Variants in ZNF654 observed in about 807,000 individuals in gnomAD.
ZNF654 encodes zinc finger protein 654.
ZNF654 carries 19 observed loss-of-function variants against 95.3 expected under a neutral mutation model. The ratio of observed to expected loss-of-function variants is 0.20; its 90% confidence interval spans 0.14 to 0.29. The LOEUF is 0.29. Among genes scored for constraint, ZNF654 ranks in the 10% least tolerant of loss-of-function variants. The pLI is 1.00. For missense variants in ZNF654, 1,046 were observed against 1,341.0 expected (o/e 0.78, Z 3.44); for synonymous variants, 413 against 457.9 (o/e 0.90, Z 1.25).
At position 88,128,904 on chromosome 3, in the gene ZNF654, A is replaced by G; in HGVS notation, c.646A>G (p.Ile216Val). Residue 216 changes from isoleucine to valine, a missense_variant, in exon 5 of 9, where the codon ATT becomes GTT. Physicochemically the swap from Ile to Val is conservative, Grantham distance 29 (BLOSUM62 3). Coordinates refer to ENST00000636215, the MANE Select transcript of ZNF654 (RefSeq NM_001350134.2). ...ACGCATACCCGAAGCAATGGCTCTT[A>G]TTAAATCTTGTATAAATCACCCAGA... ...CERIPEAMAL[I>V]KSCINHPEIS... is the part of the protein sequence containing the mutation. 6.5e-7 allele frequency: 1 copy of G among 1,535,648 alleles called. No individual in the cohort carries two copies. Among genetic ancestry groups the G allele is most frequent in the Non-Finnish European group, 8.7e-7 (1 of 1,146,560 alleles).
At chr3:88,074,093 T>A (rs538620254) in intron 1 of ZNF654, among the ~76,000 whole-genome samples, 25 of 152,178 alleles carry the variant, frequency 1.6e-4, no homozygotes, top group Non-Finnish European at 2.4e-4. Flanking sequence ...CCAGATTTGA[T>A]CATTTGTCTC....
At position 88,139,908 on chromosome 3, in the gene ZNF654, A is replaced by T; in HGVS notation, c.2239A>T (p.Lys747Ter). The change falls in exon 8 of 9, where the codon AAG (lysine) becomes TAG (stop). Residue 747 changes from lysine to a stop codon, truncating the protein, a stop_gained. Coordinates refer to ENST00000636215, the MANE Select transcript of ZNF654 (RefSeq NM_001350134.2). LOFTEE classifies it high-confidence loss of function. ...IYATDQEGNF[K>*]CPALGCVRIF... The stretch of plus-strand genomic sequence containing the variant: ...TGCCACAGATCAAGAAGGAAACTTT[A>T]AGTGTCCTGCTCTTGGTTGTGTCCG... 6.2e-7 allele frequency: 1 copy of T among 1,613,454 alleles called. No homozygotes were observed. The highest frequency in any genetic ancestry group is 8.5e-7 in the Non-Finnish European group (1 of 1,179,684).
At chr3:88,070,087 G>A (rs1477561532) in intron 1 of ZNF654, among the ~76,000 whole-genome samples, 1 of 152,082 alleles carries the variant, frequency 6.6e-6, no homozygotes, top group African/African-American at 2.4e-5. Flanking sequence ...CTCTTTTTCA[G>A]CTGATGGGAG....
chr3:88,127,870 A>G (rs961020363), intron 4 of ZNF654, among the ~76,000 whole-genome samples: 9 of 152,198 alleles, frequency 5.9e-5, no homozygotes, highest in African/African-American at 2.2e-4. Flanking sequence ...GAAAGACCAG[A>G]GTGAAGTTAT....
Position 88,138,966 on chromosome 3 carries a change from G to A in ZNF654, c.1297G>A (p.Val433Ile), listed in dbSNP as rs1259071243. The A allele has an allele frequency of 2.0e-5, 25 of 1,246,136 alleles. No homozygotes were observed. The highest frequency in any genetic ancestry group is 2.4e-5 in the Non-Finnish European group (24 of 997,538). 77.2% of individuals were successfully genotyped at this position (1,246,136 alleles called of 1,614,324 possible). ...AGGCACAAGTAGTGTTCAAAATCGT[G>A]TTCGTTTTGAATTGCTTCCAATTTT... ...NEGTSSVQNRVRFELLPILKK... is the reference protein window; with the variant it reads ...NEGTSSVQNRIRFELLPILKK... Residue 433 changes from valine (V) to isoleucine (I), a missense_variant, in exon 8 of 9, where the codon GTT (valine) becomes ATT (isoleucine). This residue lies in a region of ZNF654 where 78 missense variants were observed against 154.2 expected (regional missense o/e 0.51). Coordinates refer to ENST00000636215, the MANE Select transcript of ZNF654 (RefSeq NM_001350134.2).
At chr3:88,060,859 A>T (rs1169218107) in intron 1 of ZNF654, among the ~76,000 whole-genome samples, 19 of 152,038 alleles carry the variant, frequency 1.2e-4, no homozygotes, top group Non-Finnish European at 2.5e-4. Flanking sequence ...AAGAAAAAGG[A>T]TGGAGTTGAC....
At chr3:88,063,289 TG>T in intron 1 of ZNF654, among the ~76,000 whole-genome samples, 1 of 152,282 alleles carries the variant, frequency 6.6e-6, no homozygotes. Flanking sequence ...GGACTCTTAG[TG>T]GGTACCTTTT....
rs1180662371 is a variant in ZNF654, at chr3:88,113,115, G to C, written c.333G>C (p.Val111=). The change falls in exon 3 of 9, where the codon GTG becomes GTC. Residue 111 remains valine, a splice_region_variant and synonymous_variant. Transcript: ENST00000636215. ...HVQYVLSSLA[V]SFFELLLFFG... ...AAAGTTATTCACTTATTCTTTCTAG[G>C]AGTTTCTTTGAGTTGCTGCTGTTCT... is the stretch of plus-strand genomic sequence containing the variant. 6.5e-7 allele frequency: 1 copy of C among 1,527,732 alleles called. No homozygotes were observed. The highest frequency in any genetic ancestry group is 8.8e-7 in the Non-Finnish European group (1 of 1,141,216). The allele number at this position is 1,527,732 out of a possible 1,614,324, so 94.6% of individuals were successfully genotyped here. A position where few individuals can be genotyped will look rare whatever the true frequency, so the allele number is the denominator to read the frequency against.
At chr3:88,091,056 C>T (rs1423842781) in intron 2 of ZNF654, among the ~76,000 whole-genome samples, 1 of 152,154 alleles carries the variant, frequency 6.6e-6, no homozygotes, top group East Asian at 1.9e-4. Flanking sequence ...GTATTCAGTA[C>T]AGTAGCATGC....
At chr3:88,109,803 T>C (rs1704980347) in intron 2 of ZNF654, among the ~76,000 whole-genome samples, 2 of 152,108 alleles carry the variant, frequency 1.3e-5, no homozygotes, top group Non-Finnish European at 2.9e-5. Context: ...ATATTAAACA[T>C]GGTAAAAAAT....
intron 1 of ZNF654, among the ~76,000 whole-genome samples, chr3:88,060,471 C>G (rs972973118): frequency 2.0e-5 from 3 of 152,132 alleles, no homozygotes; most frequent in Non-Finnish European, 4.4e-5. Context: ...TTTTTGCAAG[C>G]TATTTTGGGG....
In ZNF654 at chr3:88,140,511, G is replaced by C. The variant is rs1360843277; in HGVS notation, c.2842G>C (p.Asp948His). Residue 948 changes from aspartate (D) to histidine (H), a missense_variant, in exon 8 of 9, where the codon GAC becomes CAC. By Grantham distance (81) the Asp-to-His change is moderately conservative. This residue lies in a region of ZNF654 where 495 missense variants were observed against 537.0 expected (regional missense o/e 0.92). Transcript: ENST00000636215. ...TCAGAATGGAAACGAACGTTCTGAT[G>C]ACACTGTTTCAAATATAAGCTTGAT... ...LVQNGNERSD[D>H]TVSNISLIDQ... 3 of 1,613,744 alleles carry C rather than the reference G, an allele frequency of 1.9e-6. No individual in the cohort carries two copies. The highest frequency in any genetic ancestry group is 2.5e-6 in the Non-Finnish European group (3 of 1,179,744).
chr3:88,100,274 T>G (rs1405692151), intron 2 of ZNF654, among the ~76,000 whole-genome samples: 1 of 152,154 alleles, frequency 6.6e-6, no homozygotes, highest in Non-Finnish European at 1.5e-5. Flanking sequence ...CACAATGAGA[T>G]ACCATCTCAC....
chr3:88,130,616 A>C (rs896480811), intron 6 of ZNF654, among the ~76,000 whole-genome samples: 1 of 28,130 alleles, frequency 3.6e-5, no homozygotes, highest in African/African-American at 7.6e-5. Context: ...ATGCCCAGCT[A>C]ATTTTTTTTT....
intron 2 of ZNF654, among the ~76,000 whole-genome samples, chr3:88,086,905 C>T (rs1445201601): frequency 3.3e-5 from 5 of 152,250 alleles, no homozygotes; most frequent in East Asian, 1.9e-4. Context: ...GCCTCAGCCT[C>T]CCAAGTAGCT....
At chr3:88,117,968 C>T (rs919861128) in intron 3 of ZNF654, among the ~76,000 whole-genome samples, 24 of 150,378 alleles carry the variant, frequency 1.6e-4, no homozygotes, top group African/African-American at 5.4e-4. Flanking sequence ...CAACCAAGAA[C>T]ATTTACTACT....
Position 88,140,430 on chromosome 3 carries a change from T to A in ZNF654, c.2761T>A (p.Ser921Thr), listed in dbSNP as rs61730544. ...PVSTSKSRKESTEPKTCIESM... is the reference protein window; with the variant it reads ...PVSTSKSRKETTEPKTCIESM... ...TTCTACTAGCAAATCAAGGAAAGAG[T>A]CTACAGAACCAAAGACATGTATAGA... Residue 921 changes from serine (S) to threonine (T), a missense_variant, in exon 8 of 9, where the codon TCT becomes ACT. This residue lies in a region of ZNF654 where 495 missense variants were observed against 537.0 expected (regional missense o/e 0.92). Transcript: ENST00000636215. 4 of 1,612,844 alleles carry A rather than the reference T, an allele frequency of 2.5e-6. No individual in the cohort carries two copies. Among genetic ancestry groups the A allele is most frequent in the Non-Finnish European group, 2.5e-6 (3 of 1,179,590 alleles).
rs1703995674 is a variant in ZNF654, at chr3:88,095,358, G to A, written c.332+8956G>A. On this transcript the variant is annotated intron_variant, in intron 2 of 8. Transcript: ENST00000636215. The stretch of plus-strand genomic sequence containing the variant: ...AGGGGTGGGGAGAAAGGAAGAGACA[G>A]GAATGTGAATGTATTATGTACTAAG... 5.0e-5 allele frequency: 14 copies of A among 278,732 alleles called. 1 individual carries two copies. Among genetic ancestry groups the A allele is most frequent in the South Asian group, 4.9e-4 (14 of 28,468 alleles). 17.3% of individuals were successfully genotyped at this position (278,732 alleles called of 1,614,324 possible).
chr3:88,136,726 A>G (rs2107874285), intron 7 of ZNF654, among the ~76,000 whole-genome samples: 1 of 152,294 alleles, frequency 6.6e-6, no homozygotes, highest in Middle Eastern at 3.4e-3. Flanking sequence ...TGTCGGAGAT[A>G]CTTAAAGGGA....
Sources: gnomAD v4.1 joint callset for allele counts (sites outside exome capture counted in the v4.1 genomes callset) on GRCh38, gnomAD v4.1.1 for gene constraint, gnomAD v4.1.1 regional missense constraint, MANE v1.5 for transcripts, NCBI Gene and HGNC (gene_info 2026-07-23, HGNC 2026-07-21) for gene names.